Variants in MLIP observed in about 807,000 individuals in gnomAD.
The protein encoded by MLIP is muscular LMNA interacting protein.
In MLIP, 79 loss-of-function variants were observed where a neutral mutation model predicts 84.8. The ratio of observed to expected loss-of-function variants is 0.93; its 90% CI spans 0.78 to 1.12. The LOEUF is 1.12. MLIP is among the 50% of genes most tolerant of loss of function. MLIP has a pLI of 0.00. For missense variants in MLIP, 1,257 were observed against 1,160.6 expected (o/e 1.08, Z -1.21); for synonymous variants, 504 against 463.0 (o/e 1.09, Z -1.14).
chr6:54,033,045 C>T (rs1476236018), intron 1 of MLIP, among the ~76,000 whole-genome samples: 1 of 152,112 alleles, frequency 6.6e-6, no homozygotes, highest in Non-Finnish European at 1.5e-5. Context: ...TTTTACAAAA[C>T]ATCTTTAATT....
At chr6:54,225,477 G>A (rs1027503732) in intron 11 of MLIP, among the ~76,000 whole-genome samples, 3 of 152,202 alleles carry the variant, frequency 2.0e-5, no homozygotes, top group African/African-American at 4.8e-5. Flanking sequence ...AGTTCATGAT[G>A]ACAACTCTAA....
At chr6:54,202,482 T>G (rs887521578) in intron 11 of MLIP, among the ~76,000 whole-genome samples, 71 of 150,382 alleles carry the variant, frequency 4.7e-4, no homozygotes, top group African/African-American at 1.7e-3. Flanking sequence ...TTTTTTTTTC[T>G]AAAACTTGTC....
intron 11 of MLIP, chr6:54,216,657 A>C: frequency 1.0e-6 from 1 of 980,666 alleles, no homozygotes; most frequent in Non-Finnish European, 1.2e-6. Context: ...TAAATTTTTC[A>C]TACTTCACAA....
intron 12 of MLIP, among the ~76,000 whole-genome samples, chr6:54,242,654 G>C (rs1326234475): frequency 1.3e-5 from 2 of 152,066 alleles, no homozygotes; most frequent in Admixed American, 6.6e-5. Flanking sequence ...GGCTGAGAGG[G>C]CTTTGAAATA....
chr6:54,111,422 A>G (rs1769451774), upstream of MLIP: 2 of 1,533,568 alleles, frequency 1.3e-6, no homozygotes, highest in Non-Finnish European at 1.7e-6. Flanking sequence ...TTGTTTTAGT[A>G]TGAGGCTCCC....
chr6:54,108,727 A>G (rs1769201671), upstream of MLIP, among the ~76,000 whole-genome samples: 1 of 152,208 alleles, frequency 6.6e-6, no homozygotes, highest in African/African-American at 2.4e-5. Flanking sequence ...CTCAAGAAAG[A>G]ATCTGAGCAG....
rs1476772327 is a variant in MLIP, at chr6:54,206,550, G to A, written c.2718+4317G>A. Among the ~76,000 whole-genome samples, 4 of 151,958 alleles carry A rather than the reference G, an allele frequency of 2.6e-5. No individual in the cohort carries two copies. The East Asian group carries it at 7.7e-4, about 29-fold the overall frequency. ...GATGACCATTTAGAGAATTTCCTCT[G>A]TGCTACCTCACAGAGAACATAAAAG... On this transcript the variant is annotated intron_variant, in intron 11 of 13. Coordinates refer to ENST00000502396, the MANE Select transcript of MLIP (RefSeq NM_001281747.2).
intron 12 of MLIP, among the ~76,000 whole-genome samples, chr6:54,234,358 A>G (rs1223349693): frequency 6.6e-6 from 1 of 152,188 alleles, no homozygotes; most frequent in African/African-American, 2.4e-5. Flanking sequence ...AAGTGCCTGA[A>G]GATAATGAAA....
chr6:54,202,121 T>C lies in MLIP; in HGVS notation c.2606T>C (p.Ile869Thr), dbSNP rs1488290054. Residue 869 changes from isoleucine to threonine, a missense_variant, in exon 11 of 14, where the codon ATT becomes ACT. Coordinates refer to ENST00000502396, the MANE Select transcript of MLIP (RefSeq NM_001281747.2). ...SESQLTKPGV[I>T]RPVPVKSRIL... ...TTCATGAAGACTAAGCCTGGAGTAA[T>C]TCGCCCAGTACCTGTAAAATCCAGA... The C allele has an allele frequency of 6.3e-7, 1 of 1,588,330 alleles. No individual in the cohort carries two copies. The highest frequency in any genetic ancestry group is 8.6e-7 in the Non-Finnish European group (1 of 1,166,062).
intron 1 of MLIP, among the ~76,000 whole-genome samples, chr6:54,113,564 C>T (rs559981148): frequency 3.0e-4 from 46 of 152,104 alleles, no homozygotes; most frequent in South Asian, 6.2e-4. Flanking sequence ...TCTTTAAAGG[C>T]GAAAAGAATA....
At chr6:54,111,393 C>G, upstream of MLIP, 1 of 1,495,468 alleles carries the variant, frequency 6.7e-7, no homozygotes. Flanking sequence ...TTTCTTCTTT[C>G]TGCGTGAGTG....
chr6:54,032,636 C>A (rs1764205114), intron 1 of MLIP, among the ~76,000 whole-genome samples: 1 of 152,116 alleles, frequency 6.6e-6, no homozygotes, highest in Non-Finnish European at 1.5e-5. Flanking sequence ...CCACTGCAAC[C>A]CCTGCCTCTT....
chr6:54,116,333 A>G (rs1043670710), intron 1 of MLIP, among the ~76,000 whole-genome samples: 4 of 152,242 alleles, frequency 2.6e-5, no homozygotes, highest in African/African-American at 7.2e-5. Context: ...ATTGCTCAAT[A>G]AAACAAAGAA....
intron 3 of MLIP, among the ~76,000 whole-genome samples, chr6:54,128,544 A>G (rs961846371): frequency 1.3e-5 from 2 of 152,148 alleles, no homozygotes; most frequent in African/African-American, 4.8e-5. Context: ...AAGGTAAAAT[A>G]AAGTAGGACC....
chr6:54,059,308 G>A (rs1361738283), intron 1 of MLIP, among the ~76,000 whole-genome samples: 1 of 152,134 alleles, frequency 6.6e-6, no homozygotes, highest in Non-Finnish European at 1.5e-5. Context: ...CACTCAAAAT[G>A]TTGCTTTGAT....
At chr6:54,246,980 T>C (rs1237684475) in intron 12 of MLIP, among the ~76,000 whole-genome samples, 1 of 152,150 alleles carries the variant, frequency 6.6e-6, no homozygotes, top group Non-Finnish European at 1.5e-5. Flanking sequence ...GATTGCTTTA[T>C]TACCCTTTCT....
Position 54,225,783 on chromosome 6 carries a change from G to A in MLIP, c.2719-4931G>A, listed in dbSNP as rs577238864. On this transcript the variant is annotated intron_variant, in intron 11 of 13. Coordinates refer to ENST00000502396, the MANE Select transcript of MLIP (RefSeq NM_001281747.2). ...AAATAAACAAAACAGAACCCTTAAG[G>A]ACTTTCAGTAAGGGATGGTGGATTG... Among the ~76,000 whole-genome samples the A allele has an allele frequency of 6.6e-5, 10 of 152,258 alleles. No homozygotes were observed. The East Asian group carries it at 1.9e-3, about 29-fold the overall frequency.
Position 54,067,861 on chromosome 6 carries a change from A to G in MLIP, c.63+48770A>G, listed in dbSNP as rs185321605. ...AACTTTATATACTTAAGGCTAAAGC[A>G]ATATTCACCGACCTACACATCAAGA... is the stretch of plus-strand genomic sequence containing the variant. On this transcript the variant is annotated intron_variant, in intron 1 of 12. Coordinates refer to the MLIP transcript ENST00000274897. 1.6e-3 allele frequency among the ~76,000 whole-genome samples: 157 copies of G among 98,772 alleles called. 20 individuals are homozygous for G. Among genetic ancestry groups the G allele is most frequent in the African/African-American group, 3.8e-3 (149 of 38,820 alleles). 64.8% of individuals were successfully genotyped at this position (98,772 alleles called of 152,430 possible). A position where few individuals can be genotyped will look rare whatever the true frequency, so the allele number is the denominator to read the frequency against.
At chr6:54,117,218 T>C (rs1770001701) in intron 1 of MLIP, among the ~76,000 whole-genome samples, 1 of 57,386 alleles carries the variant, frequency 1.7e-5, no homozygotes, top group African/African-American at 8.6e-5. Context: ...TGTCTTTTTT[T>C]TTTTTTTTTT....
Sources: gnomAD v4.1 joint callset for allele counts (sites outside exome capture counted in the v4.1 genomes callset) on GRCh38, gnomAD v4.1.1 for gene constraint, MANE v1.5 for transcripts, NCBI Gene and HGNC (gene_info 2026-07-23, HGNC 2026-07-21) for gene names.